The following ENKUR variants were observed in gnomAD, a reference collection of about 807,000 sequenced individuals.
ENKUR encodes the protein enkurin, TRPC channel interacting protein.
In ENKUR, 19 loss-of-function variants were observed where a neutral mutation model predicts 27.6. The ratio of observed to expected loss-of-function variants is 0.69; its 90% confidence interval spans 0.48 to 1.01. The LOEUF is 1.01. ENKUR is among the 50% of genes least tolerant of loss of function. ENKUR has a pLI of 0.00. For missense variants in ENKUR, 312 were observed against 310.5 expected, an observed-to-expected ratio of 1.00 and a Z score of -0.04; for synonymous variants, 117 against 96.9, an observed-to-expected ratio of 1.21 and a Z score of -1.22.
chr10:25,005,556 G>A (rs554766573), intron 1 of ENKUR, among the ~76,000 whole-genome samples: 24 of 151,962 alleles, frequency 1.6e-4, no homozygotes, highest in Admixed American at 2.6e-4. Context: ...TTACACTATC[G>A]TGTGGAACTC....
intron 2 of ENKUR, among the ~76,000 whole-genome samples, chr10:25,050,101 C>T (rs1421159550): frequency 6.6e-6 from 1 of 152,164 alleles, no homozygotes; most frequent in African/African-American, 2.4e-5. Context: ...TTTAGACAAC[C>T]AGATCTGGTG....
At chr10:25,010,084 AG>A (rs1274346652) in intron 1 of ENKUR, among the ~76,000 whole-genome samples, 3 of 152,190 alleles carry the variant, frequency 2.0e-5, no homozygotes, top group Admixed American at 6.5e-5. Flanking sequence ...AGGGCTCAGA[AG>A]GGGACAGAAA....
intron 2 of ENKUR, among the ~76,000 whole-genome samples, chr10:25,027,356 T>TAAAAAAAAAAAAAAAA (rs1564352066): frequency 0.015 from 669 of 45,684 alleles, 117 homozygotes; most frequent in Non-Finnish European, 0.018. Context: ...GACTCCCGTC[T>TAAAAAAAAAAAAAAAA]CAAAAAAAAA....
intron 1 of ENKUR, among the ~76,000 whole-genome samples, chr10:25,010,601 C>A (rs1429442035): frequency 6.6e-6 from 1 of 151,334 alleles, no homozygotes; most frequent in Non-Finnish European, 1.5e-5. Flanking sequence ...CCCCTACCCC[C>A]ACCCCACAAC....
At chr10:25,050,508 T>C (rs1326817567) in intron 2 of ENKUR, among the ~76,000 whole-genome samples, 1 of 152,146 alleles carries the variant, frequency 6.6e-6, no homozygotes, top group Non-Finnish European at 1.5e-5. Flanking sequence ...TCGTGAGACG[T>C]ATTCACTACC....
chr10:25,023,842 G>T (rs1290113932), intron 2 of ENKUR: 1 of 1,614,208 alleles, frequency 6.2e-7, no homozygotes, highest in South Asian at 1.1e-5. Flanking sequence ...TGAAAGTGGG[G>T]CTTCCCCAGA....
rs1850797497 is a variant in ENKUR, at chr10:25,024,366, C to T, written c.38-28497G>A. On this transcript the variant is annotated intron_variant, in intron 2 of 5. Coordinates refer to the ENKUR transcript ENST00000615958. Reference sequence around the variant, plus strand: ...TGATACTTGTAGCTACTTCAGGAGACACAGGGAGTGCAGTCTTAAATGGTT... The same window carrying T: ...TGATACTTGTAGCTACTTCAGGAGATACAGGGAGTGCAGTCTTAAATGGTT... 4 of 1,613,984 alleles carry T rather than the reference C, an allele frequency of 2.5e-6. No individual in the cohort carries two copies. In the East Asian group the frequency reaches 8.9e-5, roughly 36 times the overall value.
intron 1 of ENKUR, among the ~76,000 whole-genome samples, chr10:25,014,799 G>C (rs1850528508): frequency 6.6e-6 from 1 of 152,130 alleles, no homozygotes; most frequent in African/African-American, 2.4e-5. Flanking sequence ...ATGTAATACA[G>C]TTACTGCTCT....
chr10:25,028,834 AGCTGTAACT>A (rs1417873124), intron 2 of ENKUR, among the ~76,000 whole-genome samples: 7 of 152,198 alleles, frequency 4.6e-5, no homozygotes, highest in Admixed American at 6.5e-5. Context: ...TTCTTCCTCC[AGCTGTAACT>A]ACATCATACA....
chr10:25,023,388 C>A, intron 2 of ENKUR: 1 of 1,614,070 alleles, frequency 6.2e-7, no homozygotes, highest in Middle Eastern at 1.6e-4. Flanking sequence ...TTGTTGGAGA[C>A]AAAAATATTA....
At chr10:25,041,044 T>C (rs1474939115) in intron 2 of ENKUR, among the ~76,000 whole-genome samples, 1 of 152,238 alleles carries the variant, frequency 6.6e-6, no homozygotes, top group Non-Finnish European at 1.5e-5. Context: ...AAATGTTTAT[T>C]ATTTACAGTT....
In ENKUR at chr10:24,984,283, T is replaced by C; in HGVS notation, c.*87A>G. The C allele has an allele frequency of 4.2e-6, 6 of 1,438,636 alleles. No homozygotes were observed. Among genetic ancestry groups the C allele is most frequent in the Non-Finnish European group, 5.7e-6 (6 of 1,050,260 alleles). 89.1% of individuals were successfully genotyped at this position (1,438,636 alleles called of 1,614,324 possible). On this transcript the variant is annotated 3_prime_UTR_variant, in exon 6 of 6. Coordinates refer to ENST00000331161, the MANE Select transcript of ENKUR (RefSeq NM_145010.4). ...ATTTGTGGAGCTCAGAAACAATGTGTTGGAGACAGTTTAGAGTAGCAAGAA... is the reference window on the plus strand; with the variant it reads ...ATTTGTGGAGCTCAGAAACAATGTGCTGGAGACAGTTTAGAGTAGCAAGAA...
chr10:24,999,854 G>C (rs986253542), intron 1 of ENKUR, among the ~76,000 whole-genome samples: 1 of 152,104 alleles, frequency 6.6e-6, no homozygotes, highest in African/African-American at 2.4e-5. Flanking sequence ...TGTGTTCTCT[G>C]TCTTTCTCTG....
intron 2 of ENKUR, among the ~76,000 whole-genome samples, chr10:25,041,122 A>T (rs1228654984): frequency 2.0e-5 from 3 of 152,022 alleles, no homozygotes; most frequent in African/African-American, 7.2e-5. Context: ...TTTTTCATTT[A>T]TTCACGACCA....
chr10:25,053,667 A>G (rs1400852738), intron 2 of ENKUR, among the ~76,000 whole-genome samples: 1 of 152,154 alleles, frequency 6.6e-6, no homozygotes, highest in Non-Finnish European at 1.5e-5. Flanking sequence ...CGGGTTTTTT[A>G]CTGCACCATA....
At chr10:24,990,439 G>T in intron 4 of ENKUR, 24 bp downstream of exon 4, 1 of 1,595,346 alleles carries the variant, frequency 6.3e-7, no homozygotes, top group Non-Finnish European at 8.5e-7. Flanking sequence ...AGTTACAGAT[G>T]AATGTAAATG....
chr10:25,016,210 C>T (rs987274), upstream of ENKUR: 431,487 of 1,144,408 alleles, frequency 0.38, 84,826 homozygotes, highest in African/African-American at 0.66. Flanking sequence ...CAGGCAGCAC[C>T]GCAAACTAGG....
At chr10:25,058,632 A>T (rs1851288331) in intron 2 of ENKUR, among the ~76,000 whole-genome samples, 1 of 152,160 alleles carries the variant, frequency 6.6e-6, no homozygotes, top group Non-Finnish European at 1.5e-5. Context: ...TAGCTGGCCA[A>T]TTAGTAAGGA....
intron 4 of ENKUR, among the ~76,000 whole-genome samples, chr10:24,986,246 C>T (rs557000052): frequency 3.3e-5 from 5 of 152,108 alleles, no homozygotes; most frequent in Admixed American, 6.6e-5. Flanking sequence ...AGGGACAATA[C>T]AATTTCACTG....
Sources: gnomAD v4.1 joint callset for allele counts (sites outside exome capture counted in the v4.1 genomes callset) on GRCh38, gnomAD v4.1.1 for gene constraint, MANE v1.5 for transcripts, NCBI Gene and HGNC (gene_info 2026-07-23, HGNC 2026-07-21) for gene names.